Variants in OPRM1 observed in about 807,000 individuals in gnomAD.
OPRM1 encodes the protein opioid receptor mu 1.
OPRM1 carries 27 observed loss-of-function variants against 31.8 expected under a neutral mutation model. That is an observed-to-expected ratio of 0.85 (90% CI 0.63 to 1.17). The LOEUF is 1.17. OPRM1 is among the 50% of genes most tolerant of loss of function. The pLI is 0.00. For missense variants in OPRM1, 536 were observed against 511.1 expected, an observed-to-expected ratio of 1.05 and a Z score of -0.47; for synonymous variants, 196 against 189.9, an observed-to-expected ratio of 1.03 and a Z score of -0.26.
chr6:154,152,156 T>C (rs1490232631), intron 3 of OPRM1, among the ~76,000 whole-genome samples: 1 of 97,046 alleles, frequency 1.0e-5, no homozygotes, highest in African/African-American at 4.8e-5. Flanking sequence ...CAGCCAACAG[T>C]GAGACTTTGA....
At chr6:154,082,638 T>C (rs2128470170) in intron 1 of OPRM1, among the ~76,000 whole-genome samples, 1 of 152,328 alleles carries the variant, frequency 6.6e-6, no homozygotes, top group South Asian at 2.1e-4. Flanking sequence ...TGATTTTTCA[T>C]TTATAAAATT....
intron 3 of OPRM1, among the ~76,000 whole-genome samples, chr6:154,238,046 C>T (rs2128633177): frequency 6.6e-6 from 1 of 152,140 alleles, no homozygotes; most frequent in East Asian, 1.9e-4. Flanking sequence ...ATCATATATG[C>T]ATATATAATT....
intron 3 of OPRM1, among the ~76,000 whole-genome samples, chr6:154,152,315 GAAA>G (rs1248321751): frequency 1.0e-3 from 57 of 57,008 alleles, no homozygotes; most frequent in African/African-American, 2.8e-3. Flanking sequence ...AAGAAAGAAA[GAAA>G]GAAAGAAAGA....
chr6:154,060,177 C>T (rs1300912811), intron 1 of OPRM1, among the ~76,000 whole-genome samples: 1 of 152,104 alleles, frequency 6.6e-6, no homozygotes, highest in Non-Finnish European at 1.5e-5. Context: ...TTTGAAGCAG[C>T]ACTAATGAAA....
At chr6:154,088,724 A>G (rs1791261854) in intron 1 of OPRM1, among the ~76,000 whole-genome samples, 1 of 152,238 alleles carries the variant, frequency 6.6e-6, no homozygotes, top group Non-Finnish European at 1.5e-5. Context: ...AGCATTAAAA[A>G]ATAAAAACAA....
At position 154,118,848 on chromosome 6, in the gene OPRM1, C is replaced by T; in HGVS notation, c.*127C>T. 3 of 1,512,514 alleles carry T rather than the reference C, an allele frequency of 2.0e-6. No individual in the cohort carries two copies. Among genetic ancestry groups the T allele is most frequent in the Non-Finnish European group, 1.8e-6 (2 of 1,139,552 alleles). 93.7% of individuals were successfully genotyped at this position (1,512,514 alleles called of 1,614,324 possible). On this transcript the variant is annotated 3_prime_UTR_variant, in exon 4 of 4. Coordinates refer to ENST00000330432, the MANE Select transcript of OPRM1 (RefSeq NM_000914.5). ...AAGTGCCTGCTTTTAGGTCATCCAA[C>T]CTCTTTCCTCTCTGGCCACTCTGCT...
At chr6:154,134,583 T>C (rs1798008837), downstream of OPRM1, among the ~76,000 whole-genome samples, 1 of 152,094 alleles carries the variant, frequency 6.6e-6, no homozygotes, top group African/African-American at 2.4e-5. Context: ...CTGACAGTGC[T>C]AGAGACATAA....
chr6:154,178,765 G>A (rs1001097919), intron 3 of OPRM1, among the ~76,000 whole-genome samples: 1 of 152,136 alleles, frequency 6.6e-6, no homozygotes, highest in East Asian at 1.9e-4. Context: ...GATTAAAGCT[G>A]TTCAGAAAAT....
intron 1 of OPRM1, among the ~76,000 whole-genome samples, chr6:154,053,774 G>T (rs866981478): frequency 1.3e-5 from 2 of 152,190 alleles, no homozygotes; most frequent in Non-Finnish European, 2.9e-5. Context: ...AGATTAGCCA[G>T]ATGACCATCA....
intron 3 of OPRM1, among the ~76,000 whole-genome samples, chr6:154,197,235 A>C (rs1188082443): frequency 6.6e-6 from 1 of 152,192 alleles, no homozygotes; most frequent in Non-Finnish European, 1.5e-5. Context: ...AAGTCACAAA[A>C]ATGAAAAGCT....
At chr6:154,140,327 A>AT (rs1319655147) in intron 3 of OPRM1, among the ~76,000 whole-genome samples, 4 of 121,200 alleles carry the variant, frequency 3.3e-5, no homozygotes, top group East Asian at 2.6e-4. Context: ...CGTTTATGTT[A>AT]TTTTATTTTT....
intron 1 of OPRM1, among the ~76,000 whole-genome samples, chr6:154,019,747 CTTT>C (rs373120574): frequency 3.3e-5 from 4 of 121,996 alleles, no homozygotes; most frequent in South Asian, 2.7e-4. Context: ...CTTTTCTTTT[CTTT>C]TTTTTTTTTT....
At chr6:154,107,112 C>T (rs1795690217) in intron 3 of OPRM1, among the ~76,000 whole-genome samples, 1 of 152,148 alleles carries the variant, frequency 6.6e-6, no homozygotes, top group South Asian at 2.1e-4. Context: ...AGATTCAGCA[C>T]TTGTAAGATT....
intron 3 of OPRM1, 90 bp downstream of exon 3, chr6:154,091,562 G>A (rs2128487371): frequency 1.6e-5 from 23 of 1,479,912 alleles, no homozygotes; most frequent in Non-Finnish European, 2.0e-5. Context: ...ATCCATTATA[G>A]AGGATGAGAA....
At chr6:154,133,330 A>G (rs1277858805), downstream of OPRM1, among the ~76,000 whole-genome samples, 1 of 152,144 alleles carries the variant, frequency 6.6e-6, no homozygotes, top group Non-Finnish European at 1.5e-5. Context: ...AAAGCTTTGA[A>G]TGGTGTCTTA....
intron 3 of OPRM1, among the ~76,000 whole-genome samples, chr6:154,181,488 A>T (rs983850817): frequency 3.3e-5 from 5 of 152,254 alleles, no homozygotes; most frequent in African/African-American, 1.2e-4. Flanking sequence ...AAATTTACAT[A>T]GCTATACTAT....
At chr6:154,107,871 C>T in intron 3 of OPRM1, 2 of 691,810 alleles carry the variant, frequency 2.9e-6, no homozygotes, top group Non-Finnish European at 5.3e-6. Flanking sequence ...GACCTCATAA[C>T]ACAAAATACA....
intron 1 of OPRM1, among the ~76,000 whole-genome samples, chr6:154,013,096 T>C (rs574833107): frequency 6.6e-6 from 1 of 152,300 alleles, no homozygotes; most frequent in East Asian, 1.9e-4. Flanking sequence ...CATCATATCC[T>C]TGATGATTTA....
chr6:154,138,592 G>A (rs543412486), intron 3 of OPRM1, among the ~76,000 whole-genome samples: 17 of 152,330 alleles, frequency 1.1e-4, no homozygotes, highest in African/African-American at 4.1e-4. Flanking sequence ...GACGGAGACA[G>A]AGAAAGAGGT....
Sources: gnomAD v4.1 joint callset for allele counts (sites outside exome capture counted in the v4.1 genomes callset) on GRCh38, gnomAD v4.1.1 for gene constraint, MANE v1.5 for transcripts, NCBI Gene and HGNC (gene_info 2026-07-23, HGNC 2026-07-21) for gene names.